The following PRMT8 variants were observed in gnomAD, a reference collection of about 807,000 sequenced individuals.
PRMT8 encodes protein arginine N-methyltransferase 8.
In PRMT8, 7 loss-of-function variants were observed where a neutral mutation model predicts 47.1. That is an observed-to-expected ratio of 0.15 (90% confidence interval 0.08 to 0.28). The LOEUF (loss-of-function observed/expected upper bound fraction) is 0.28, where lower values mean the gene tolerates loss of function less well. Among genes scored for constraint, PRMT8 ranks in the 10% least tolerant of loss-of-function variants. PRMT8 has a pLI of 1.00. For synonymous variants in PRMT8, 188 were observed against 186.5 expected, an observed-to-expected ratio of 1.01 and a Z score of -0.07; for missense variants, 237 against 505.4, an observed-to-expected ratio of 0.47 and a Z score of 5.09.
In PRMT8 at chr12:3,569,792, G is replaced by T. The variant is rs903951139; in HGVS notation, c.712+228G>T. Among the ~76,000 whole-genome samples the T allele has an allele frequency of 2.0e-5, 3 of 152,194 alleles. No individual in the cohort carries two copies. The highest frequency in any genetic ancestry group is 2.9e-5 in the Non-Finnish European group (2 of 68,036). On this transcript the variant is annotated intron_variant, in intron 6 of 9. Transcript: ENST00000382622. The surrounding 1 kb of genome is among the most constrained non-coding windows in gnomAD (Gnocchi z 8.2). ...GCCATATGGCTGGGATGAGAGAAAT[G>T]TCCTGGGGTGAAAGAATGAATGCAA...
intron 1 of PRMT8, among the ~76,000 whole-genome samples, chr12:3,397,370 G>T (rs1430849407): frequency 4.0e-5 from 6 of 151,688 alleles, no homozygotes; most frequent in Admixed American, 1.3e-4. Context: ...TGATGATGGT[G>T]ATGTACTGAT....
chr12:3,512,960 G>A (rs1865735597), intron 1 of PRMT8, among the ~76,000 whole-genome samples: 1 of 152,148 alleles, frequency 6.6e-6, no homozygotes, highest in Non-Finnish European at 1.5e-5. Context: ...CGAGGTTTGT[G>A]GGATTCAGGA....
chr12:3,484,167 C>T (rs538998162), intron 1 of PRMT8, among the ~76,000 whole-genome samples: 46 of 152,220 alleles, frequency 3.0e-4, no homozygotes, highest in African/African-American at 1.0e-3. Flanking sequence ...AAGGAGGGGG[C>T]GTTCTGCTCT....
chr12:3,506,078 G>A (rs1006543688), intron 1 of PRMT8, among the ~76,000 whole-genome samples: 2 of 152,182 alleles, frequency 1.3e-5, no homozygotes, highest in Non-Finnish European at 1.5e-5. Flanking sequence ...GGGGTTAATT[G>A]TGCAGGCTCT....
At chr12:3,586,602 G>T (rs192211572) in intron 8 of PRMT8, among the ~76,000 whole-genome samples, 1 of 152,272 alleles carries the variant, frequency 6.6e-6, no homozygotes, top group Non-Finnish European at 1.5e-5. Flanking sequence ...TGTTAGAATT[G>T]CAAATTCTTG....
In PRMT8 at chr12:3,564,558, C is replaced by T. The variant is rs933649332; in HGVS notation, c.482-4148C>T. Among the ~76,000 whole-genome samples the T allele has an allele frequency of 6.6e-6, 1 of 152,226 alleles. No homozygotes were observed. The highest frequency in any genetic ancestry group is 1.5e-5 in the Non-Finnish European group (1 of 68,042). ...AGTTTTCCCAATTTAGAGTCTATTG[C>T]TCCCTGCTGTGCATTTAGTTCTGAT... On this transcript the variant is annotated intron_variant, in intron 4 of 9. Coordinates refer to ENST00000382622, the MANE Select transcript of PRMT8 (RefSeq NM_019854.5). This position sits in a 1 kb window ranked among gnomAD's most constrained non-coding sequence, Gnocchi z 4.0.
chr12:3,457,270 C>T (rs1275400320), intron 1 of PRMT8, among the ~76,000 whole-genome samples: 1 of 152,170 alleles, frequency 6.6e-6, no homozygotes, highest in African/African-American at 2.4e-5. Context: ...CAGTTCTCAA[C>T]TGCTGTTCTG....
At position 3,583,413 on chromosome 12, in the gene PRMT8, T is replaced by TA. The variant is rs1365546681; in HGVS notation, c.979+206dup. Among the ~76,000 whole-genome samples the TA allele has an allele frequency of 6.6e-6, 1 of 152,170 alleles. No homozygotes were observed. Among genetic ancestry groups the TA allele is most frequent in the East Asian group, 1.9e-4 (1 of 5,178 alleles). On this transcript the variant is annotated intron_variant, in intron 8 of 9. Transcript: ENST00000382622. This position sits in a 1 kb window ranked among gnomAD's most constrained non-coding sequence, Gnocchi z 4.7. ...AGAAGGTAAATAATGTTGTGGTTGTTACAGCACAAGTTGAGAGTGTGTTGG... is the reference window on the plus strand; with the variant it reads ...AGAAGGTAAATAATGTTGTGGTTGTTAACAGCACAAGTTGAGAGTGTGTTGG...
At chr12:3,509,312 C>T (rs900030932) in intron 1 of PRMT8, among the ~76,000 whole-genome samples, 5 of 152,226 alleles carry the variant, frequency 3.3e-5, no homozygotes, top group African/African-American at 1.2e-4. Flanking sequence ...TTCCTCGACT[C>T]GTTGCTCCTA....
intron 1 of PRMT8, among the ~76,000 whole-genome samples, chr12:3,395,528 G>A (rs1272376019): frequency 4.6e-5 from 7 of 152,044 alleles, no homozygotes; most frequent in Non-Finnish European, 4.4e-5. Flanking sequence ...GGTTTTGAGC[G>A]AGATTCTTAA....
chr12:3,494,755 G>A (rs577095532), intron 1 of PRMT8, among the ~76,000 whole-genome samples: 2 of 152,306 alleles, frequency 1.3e-5, no homozygotes, highest in Admixed American at 6.5e-5. Flanking sequence ...TAGGGTACGA[G>A]AGCATCAACA....
chr12:3,585,490 C>A (rs1268716144), intron 8 of PRMT8, among the ~76,000 whole-genome samples: 1 of 150,906 alleles, frequency 6.6e-6, no homozygotes, highest in Non-Finnish European at 1.5e-5. Context: ...ACCCAAGTAG[C>A]TGGGACTACA....
intron 1 of PRMT8, among the ~76,000 whole-genome samples, chr12:3,457,025 T>A (rs2137084912): frequency 6.6e-6 from 1 of 152,322 alleles, no homozygotes; most frequent in Non-Finnish European, 1.5e-5. Flanking sequence ...CCACTGGGAC[T>A]ATTGTGCCAC....
intron 1 of PRMT8, among the ~76,000 whole-genome samples, chr12:3,480,157 A>G (rs1865259168): frequency 6.6e-6 from 1 of 152,256 alleles, no homozygotes; most frequent in Non-Finnish European, 1.5e-5. Context: ...ATATTTTAAA[A>G]CAGATGATTT....
chr12:3,544,433 A>G (rs1866290441), intron 2 of PRMT8, among the ~76,000 whole-genome samples: 1 of 152,306 alleles, frequency 6.6e-6, no homozygotes. Flanking sequence ...ATTAGCAAAC[A>G]TACTCTCTGT....
intron 1 of PRMT8, among the ~76,000 whole-genome samples, chr12:3,393,039 A>G (rs1164005398): frequency 3.9e-5 from 6 of 151,922 alleles, no homozygotes; most frequent in South Asian, 2.1e-4. Flanking sequence ...CATGTCCTTC[A>G]CCCACTTTTT....
chr12:3,388,178 C>T (rs1231846289), intron 1 of PRMT8, among the ~76,000 whole-genome samples: 5 of 152,024 alleles, frequency 3.3e-5, no homozygotes, highest in Non-Finnish European at 2.9e-5. Context: ...AATCACTTCC[C>T]AGCCTTCCCC....
At chr12:3,542,942 A>G (rs1866257217) in intron 2 of PRMT8, among the ~76,000 whole-genome samples, 1 of 152,278 alleles carries the variant, frequency 6.6e-6, no homozygotes, top group Admixed American at 6.5e-5. Flanking sequence ...ACCATGACCC[A>G]GCACCCAGGG....
intron 1 of PRMT8, among the ~76,000 whole-genome samples, chr12:3,464,127 C>T (rs183185377): frequency 3.3e-5 from 5 of 152,056 alleles, no homozygotes; most frequent in South Asian, 2.1e-4. Context: ...GTGAACGGCA[C>T]GTTATTTTTA....
Sources: gnomAD v4.1 joint callset for allele counts (sites outside exome capture counted in the v4.1 genomes callset) on GRCh38, gnomAD v4.1.1 for gene constraint, Gnocchi (gnomAD v3.1) non-coding constraint, MANE v1.5 for transcripts, NCBI Gene and HGNC (gene_info 2026-07-23, HGNC 2026-07-21) for gene names.